The following TTC7A variants were observed in gnomAD, a reference collection of about 807,000 sequenced individuals.
TTC7A encodes the protein tetratricopeptide repeat domain 7A, also known as tetratricopeptide repeat protein 7A.
Under a neutral mutation model 103.7 loss-of-function variants are expected in TTC7A, and 110 were observed. That is an observed-to-expected ratio of 1.06 (90% CI 0.91 to 1.24). The LOEUF (loss-of-function observed/expected upper bound fraction) is 1.24. TTC7A is among the 50% of genes most tolerant of loss of function. TTC7A has a pLI of 0.00. For missense variants in TTC7A, 1,340 were observed against 1,116.3 expected (o/e 1.20, Z -2.86); for synonymous variants, 521 against 467.9 (o/e 1.11, Z -1.47).
chr2:46,996,501 T>G (rs1676200006), intron 8 of TTC7A, among the ~76,000 whole-genome samples: 2 of 152,168 alleles, frequency 1.3e-5, no homozygotes, highest in Admixed American at 6.5e-5. Flanking sequence ...GTAATCAGAT[T>G]GCCTCTGGTG....
intron 19 of TTC7A, among the ~76,000 whole-genome samples, chr2:47,062,791 C>G (rs1683892883): frequency 3.3e-5 from 5 of 152,224 alleles, no homozygotes. Flanking sequence ...TCCATGGTTA[C>G]TGAATAGCCA....
rs1250324124 is a variant in TTC7A, at chr2:46,942,745, A to C, written c.184+1020A>C. On this transcript the variant is annotated intron_variant, in intron 1 of 19. Transcript: ENST00000319190. ...GATTTGTGCCCAGGTTTCTGAGTACATCCTTTAAATCACTTGCACTATTAC... is the reference window on the plus strand; with the variant it reads ...GATTTGTGCCCAGGTTTCTGAGTACCTCCTTTAAATCACTTGCACTATTAC... Among the ~76,000 whole-genome samples, 4 of 152,314 alleles carry C rather than the reference A, an allele frequency of 2.6e-5. No homozygotes were observed. The South Asian group carries it at 8.3e-4, about 32-fold the overall frequency.
chr2:47,006,561 A>G (rs1677416755), intron 9 of TTC7A, 80 bp from the exon 10 acceptor site: 8 of 1,278,540 alleles, frequency 6.3e-6, no homozygotes, highest in Non-Finnish European at 9.1e-6. Flanking sequence ...TGACTTGGGC[A>G]GTAACTACCC....
At chr2:47,044,691 C>T (rs1682120865) in intron 15 of TTC7A, among the ~76,000 whole-genome samples, 1 of 152,142 alleles carries the variant, frequency 6.6e-6, no homozygotes, top group Admixed American at 6.5e-5. Context: ...TGGGGGGCAA[C>T]CCGTGTGCAG....
rs1290448176 is a variant in TTC7A, at chr2:47,070,604, G to T, written c.2356-3098G>T. ...AACTAAGCGTGACCTTGAGGCGGTTGTGTGGTCAGGAGGAGCTCCGCCCTC... is the reference window on the plus strand; with the variant it reads ...AACTAAGCGTGACCTTGAGGCGGTTTTGTGGTCAGGAGGAGCTCCGCCCTC... On this transcript the variant is annotated intron_variant, in intron 19 of 19. Coordinates refer to ENST00000319190, the MANE Select transcript of TTC7A (RefSeq NM_020458.4). Among the ~76,000 whole-genome samples, 6 of 152,214 alleles carry T rather than the reference G, an allele frequency of 3.9e-5. No individual in the cohort carries two copies. In the East Asian group the frequency reaches 9.6e-4, roughly 24 times the overall value.
intron 11 of TTC7A, among the ~76,000 whole-genome samples, chr2:47,015,115 C>T (rs991621469): frequency 1.3e-5 from 2 of 152,252 alleles, no homozygotes; most frequent in Non-Finnish European, 2.9e-5. Flanking sequence ...TGAGGGAGGG[C>T]TTCCCAGGCT....
intron 5 of TTC7A, among the ~76,000 whole-genome samples, chr2:46,989,124 G>A (rs1483403752): frequency 1.3e-5 from 2 of 152,154 alleles, no homozygotes; most frequent in East Asian, 1.9e-4. Context: ...CTTGCCAGCC[G>A]CTTGCACATC....
In TTC7A at chr2:46,976,852, C is replaced by T. The variant is rs1185840987; in HGVS notation, c.648+1749C>T. ...CAGCCACTGCTCTAGAAGATGTCTGCTTGATTGGACTTTAGGAGGAAAGGA... is the reference window on the plus strand; with the variant it reads ...CAGCCACTGCTCTAGAAGATGTCTGTTTGATTGGACTTTAGGAGGAAAGGA... On this transcript the variant is annotated intron_variant, in intron 4 of 19. Transcript: ENST00000319190. Among the ~76,000 whole-genome samples, 3 of 152,152 alleles carry T rather than the reference C, an allele frequency of 2.0e-5. No individual in the cohort carries two copies. The East Asian group carries it at 5.8e-4, about 29-fold the overall frequency.
chr2:47,062,990 A>T (rs1683910803), intron 19 of TTC7A, among the ~76,000 whole-genome samples: 1 of 152,250 alleles, frequency 6.6e-6, no homozygotes, highest in Admixed American at 6.5e-5. Flanking sequence ...TCCTGCCAGC[A>T]TCCCACACAT....
At position 46,995,269 on chromosome 2, in the gene TTC7A, G is replaced by A. The variant is rs956791552; in HGVS notation, c.1065+70G>A. 150 of 1,526,198 alleles carry A rather than the reference G, an allele frequency of 9.8e-5. 2 individuals are homozygous for A. The highest frequency in any genetic ancestry group is 5.2e-5 in the Admixed American group (3 of 57,350). 94.5% of individuals were successfully genotyped at this position (1,526,198 alleles called of 1,614,324 possible). On this transcript the variant is annotated intron_variant, in intron 8 of 19. Coordinates refer to ENST00000319190, the MANE Select transcript of TTC7A (RefSeq NM_020458.4). ...TGTGGGGAAGGGCTGTGGGGCCCAG[G>A]TACAGGCCACCCGTGACCTAGCCAA...
intron 19 of TTC7A, among the ~76,000 whole-genome samples, chr2:47,066,393 GGACCTGA>G (rs1219250580): frequency 6.6e-6 from 1 of 152,130 alleles, no homozygotes; most frequent in Non-Finnish European, 1.5e-5. Flanking sequence ...TCCCAAGGCG[GGACCTGA>G]GTCACTGAGG....
intron 3 of TTC7A, chr2:46,974,574 G>A (rs950904429): frequency 6.8e-6 from 3 of 441,250 alleles, no homozygotes; most frequent in Non-Finnish European, 4.5e-6. Flanking sequence ...GGAAGGTAAA[G>A]GTTATTGCAT....
At chr2:47,031,233 CAG>C (rs1340629940) in intron 15 of TTC7A, among the ~76,000 whole-genome samples, 1 of 152,226 alleles carries the variant, frequency 6.6e-6, no homozygotes, top group Non-Finnish European at 1.5e-5. Context: ...ACAGAGAAAA[CAG>C]TGTGTGGACA....
intron 3 of TTC7A, among the ~76,000 whole-genome samples, chr2:46,969,865 G>T (rs2104172314): frequency 6.6e-6 from 1 of 152,300 alleles, no homozygotes; most frequent in South Asian, 2.1e-4. Context: ...GAAATGGGTA[G>T]AGAGGATGAT....
intron 3 of TTC7A, among the ~76,000 whole-genome samples, chr2:46,969,816 C>A (rs935767235): frequency 6.6e-6 from 1 of 152,286 alleles, no homozygotes; most frequent in East Asian, 1.9e-4. Flanking sequence ...CTTCCTAAAC[C>A]CTAGGCCCTG....
chr2:46,983,008 GGAAAA>G (rs1558536797), intron 5 of TTC7A, among the ~76,000 whole-genome samples: 5 of 151,928 alleles, frequency 3.3e-5, no homozygotes. Context: ...TAGAAATAAA[GGAAAA>G]GAAAAGGAAA....
At chr2:47,034,765 G>A (rs943251730) in intron 15 of TTC7A, among the ~76,000 whole-genome samples, 2 of 152,164 alleles carry the variant, frequency 1.3e-5, no homozygotes, top group Admixed American at 6.5e-5. Flanking sequence ...AACCTCCGTC[G>A]GTCAGGGTAG....
chr2:46,975,796 G>A (rs1193842456), intron 4 of TTC7A, among the ~76,000 whole-genome samples: 1 of 151,848 alleles, frequency 6.6e-6, no homozygotes, highest in Non-Finnish European at 1.5e-5. Flanking sequence ...GAGTTCAGTG[G>A]CACGATCTCA....
intron 18 of TTC7A, among the ~76,000 whole-genome samples, chr2:47,053,216 T>C (rs1343633257): frequency 6.6e-6 from 1 of 152,056 alleles, no homozygotes; most frequent in Non-Finnish European, 1.5e-5. Flanking sequence ...GCTTGTTGGG[T>C]TTTAAGTAGG....
Sources: gnomAD v4.1 joint callset for allele counts (sites outside exome capture counted in the v4.1 genomes callset) on GRCh38, gnomAD v4.1.1 for gene constraint, MANE v1.5 for transcripts, NCBI Gene and HGNC (gene_info 2026-07-23, HGNC 2026-07-21) for gene names.